The following GREB1L variants were observed in gnomAD, a reference collection of about 807,000 sequenced individuals.
The protein encoded by GREB1L is GREB1-like protein.
In GREB1L, 17 loss-of-function variants were observed where a neutral mutation model predicts 200.8. The ratio of observed to expected loss-of-function variants is 0.08; its 90% CI spans 0.06 to 0.13. GREB1L has a LOEUF of 0.13. Ranked by LOEUF, GREB1L falls within the 10% of genes least tolerant of loss-of-function variation. The probability of loss-of-function intolerance (pLI) is 1.00; values close to 1 mark genes in which losing one functional copy is unlikely to be tolerated. For synonymous variants in GREB1L, 789 were observed against 893.0 expected (o/e 0.88, Z 2.08); for missense variants, 1,657 against 2,367.7 (o/e 0.70, Z 6.23).
intron 1 of GREB1L, among the ~76,000 whole-genome samples, chr18:21,306,574 G>A (rs1361154847): frequency 6.6e-6 from 1 of 152,206 alleles, no homozygotes; most frequent in African/African-American, 2.4e-5. Context: ...ATCGTGGTAA[G>A]TACTCATTAC....
chr18:21,315,926 A>G (rs1280359924), intron 1 of GREB1L, among the ~76,000 whole-genome samples: 1 of 152,044 alleles, frequency 6.6e-6, no homozygotes. Context: ...GAAGTCCATC[A>G]ACACTCTGTG....
chr18:21,252,050 T>C lies in GREB1L; in HGVS notation c.-120+9657T>C, dbSNP rs193001826. Among the ~76,000 whole-genome samples the C allele has an allele frequency of 2.5e-3, 381 of 152,142 alleles. 1 individual carries two copies. Among genetic ancestry groups the C allele is most frequent in the Non-Finnish European group, 3.9e-3 (266 of 68,024 alleles). ...ATAATTTTAAAGTATTTTGCAAACATTGTCACTAGCTATTCACAGAACCAC... is the reference window on the plus strand; with the variant it reads ...ATAATTTTAAAGTATTTTGCAAACACTGTCACTAGCTATTCACAGAACCAC... On this transcript the variant is annotated intron_variant, in intron 1 of 32. Transcript: ENST00000424526.
intron 4 of GREB1L, among the ~76,000 whole-genome samples, chr18:21,394,931 TAAAAAAA>T (rs745423470): frequency 2.4e-5 from 2 of 82,672 alleles, no homozygotes; most frequent in African/African-American, 4.9e-5. Flanking sequence ...CCATCTCTAC[TAAAAAAA>T]AAAAAAAAAA....
chr18:21,442,650 C>T (rs2145283808), intron 10 of GREB1L, among the ~76,000 whole-genome samples: 1 of 152,186 alleles, frequency 6.6e-6, no homozygotes, highest in African/African-American at 2.4e-5. Context: ...TATTTCAAAA[C>T]AATTTGAGAC....
At chr18:21,368,170 T>C (rs571773292) in intron 2 of GREB1L, among the ~76,000 whole-genome samples, 1 of 152,346 alleles carries the variant, frequency 6.6e-6, no homozygotes, top group South Asian at 2.1e-4. Flanking sequence ...TTTTGAATTT[T>C]TGATAATCAC....
At position 21,518,253 on chromosome 18, in the gene GREB1L, A is replaced by C. The variant is rs1234719408; in HGVS notation, c.5472+19A>C. 6.5e-7 allele frequency: 1 copy of C among 1,548,484 alleles called. No homozygotes were observed. Among genetic ancestry groups the C allele is most frequent in the East Asian group, 2.4e-5 (1 of 40,922 alleles). ...ACCAGAGGTAAAAAGGGTGTGGGGG[A>C]TACTGTGCTTACCTACATCCATCCA... On this transcript the variant is annotated intron_variant, in intron 31 of 32. Transcript: ENST00000424526.
chr18:21,464,542 C>CAAA (rs11477392), intron 15 of GREB1L, among the ~76,000 whole-genome samples: 7 of 66,414 alleles, frequency 1.1e-4, no homozygotes, highest in Non-Finnish European at 1.7e-4. Context: ...GACACCATCT[C>CAAA]AAAAAAAAAA....
intron 1 of GREB1L, among the ~76,000 whole-genome samples, chr18:21,330,105 A>T (rs2039086386): frequency 6.6e-6 from 1 of 152,008 alleles, no homozygotes; most frequent in Non-Finnish European, 1.5e-5. Flanking sequence ...GGTCCTGGCT[A>T]TGGGTCAGCT....
In GREB1L at chr18:21,523,319, T is replaced by C. The variant is rs1310767939; in HGVS notation, c.*498T>C. On this transcript the variant is annotated 3_prime_UTR_variant, in exon 33 of 33. Transcript: ENST00000424526. ...CTCAGGGGTTTGAAATGATAGAATG[T>C]AGACGATATTTGTATTTAAAAAAAG... The C allele has an allele frequency of 6.6e-6, 1 of 152,286 alleles. No individual in the cohort carries two copies. The highest frequency in any genetic ancestry group is 1.9e-4 in the East Asian group (1 of 5,202). The allele number at this position is 152,286 out of a possible 1,614,324, so 9.4% of individuals were successfully genotyped here.
chr18:21,405,723 C>A (rs2144603741), intron 7 of GREB1L, among the ~76,000 whole-genome samples: 1 of 152,260 alleles, frequency 6.6e-6, no homozygotes. Flanking sequence ...ATTGCTTGTA[C>A]CCACGAGGTG....
chr18:21,410,123 T>G (rs748123825), intron 7 of GREB1L, among the ~76,000 whole-genome samples: 1 of 152,132 alleles, frequency 6.6e-6, no homozygotes, highest in Non-Finnish European at 1.5e-5. Context: ...AATATGCTCA[T>G]CCACCATTAG....
At chr18:21,432,213 G>A (rs1180476999) in intron 7 of GREB1L, among the ~76,000 whole-genome samples, 2 of 152,110 alleles carry the variant, frequency 1.3e-5, no homozygotes, top group South Asian at 2.1e-4. Context: ...GTGAGCCACC[G>A]TGCCCGGCCT....
Position 21,434,745 on chromosome 18 carries a change from G to A in GREB1L, c.833-4776G>A, listed in dbSNP as rs544404180. Reference sequence around the variant, plus strand: ...AAGTGCTTAAAATAGCATGCATCACGTGGTAACTTCTAGTGAGTGTTTGTT... The same window carrying A: ...AAGTGCTTAAAATAGCATGCATCACATGGTAACTTCTAGTGAGTGTTTGTT... On this transcript the variant is annotated intron_variant, in intron 7 of 32. Transcript: ENST00000424526. Among the ~76,000 whole-genome samples the A allele has an allele frequency of 1.4e-4, 22 of 151,968 alleles. No homozygotes were observed. In the East Asian group the frequency reaches 2.5e-3, roughly 17 times the overall value.
intron 27 of GREB1L, among the ~76,000 whole-genome samples, chr18:21,510,415 C>T (rs2037193177): frequency 6.6e-6 from 1 of 152,114 alleles, no homozygotes; most frequent in Non-Finnish European, 1.5e-5. Flanking sequence ...CTCTAAGTGC[C>T]TCATATCAGT....
intron 1 of GREB1L, among the ~76,000 whole-genome samples, chr18:21,248,922 A>C (rs1415625068): frequency 6.6e-5 from 10 of 152,170 alleles, no homozygotes. Context: ...GTGCTGGTCT[A>C]AACTCTTTGA....
At chr18:21,257,096 T>C (rs1408892346) in intron 1 of GREB1L, among the ~76,000 whole-genome samples, 16 of 152,130 alleles carry the variant, frequency 1.1e-4, no homozygotes, top group Non-Finnish European at 2.1e-4. Context: ...CTCAGACTTA[T>C]TAGAGAGTAG....
rs1487028729 is a variant in GREB1L at position 21,522,891 on chromosome 18, C to T, written c.*70C>T. On this transcript the variant is annotated 3_prime_UTR_variant, in exon 33 of 33. Transcript: ENST00000424526. Reference sequence around the variant, plus strand: ...GGGACAGAAACAATTTGGGATTTTTCTTTTTCCTTTAAAGTACAATCACTG... The same window carrying T: ...GGGACAGAAACAATTTGGGATTTTTTTTTTTCCTTTAAAGTACAATCACTG... The T allele has an allele frequency of 7.3e-6, 10 of 1,378,364 alleles. No individual in the cohort carries two copies. The East Asian group carries it at 7.6e-5, about 11-fold the overall frequency. The allele number at this position is 1,378,364 out of a possible 1,614,324, so 85.4% of individuals were successfully genotyped here.
At chr18:21,256,384 A>G (rs2037798962) in intron 1 of GREB1L, among the ~76,000 whole-genome samples, 1 of 152,180 alleles carries the variant, frequency 6.6e-6, no homozygotes, top group South Asian at 2.1e-4. Flanking sequence ...CACAAGTTGG[A>G]GCACAGTGAA....
intron 2 of GREB1L, among the ~76,000 whole-genome samples, chr18:21,378,217 A>C (rs1457500972): frequency 6.6e-6 from 1 of 152,180 alleles, no homozygotes; most frequent in African/African-American, 2.4e-5. Flanking sequence ...AGTGACCCTG[A>C]ATACCATGGC....
Sources: gnomAD v4.1 joint callset for allele counts (sites outside exome capture counted in the v4.1 genomes callset) on GRCh38, gnomAD v4.1.1 for gene constraint, MANE v1.5 for transcripts, NCBI Gene and HGNC (gene_info 2026-07-23, HGNC 2026-07-21) for gene names.